The following TNFRSF19 variants were observed in gnomAD, a reference collection of about 807,000 sequenced individuals.
The protein encoded by TNFRSF19 is TNF receptor superfamily member 19.
In TNFRSF19, 27 loss-of-function variants were observed where a neutral mutation model predicts 46.4. The observed-to-expected ratio is 0.58, with a 90% CI of 0.43 to 0.80. TNFRSF19 has a LOEUF of 0.80. Ranked by LOEUF, TNFRSF19 falls within the 30% of genes least tolerant of loss-of-function variation. The pLI, the probability that TNFRSF19 is intolerant of heterozygous loss-of-function variation, is 0.00. For missense variants in TNFRSF19, 511 were observed against 530.8 expected (o/e 0.96, Z 0.37); for synonymous variants, 204 against 205.0 (o/e 1.00, Z 0.04).
chr13:23,656,446 A>T (rs1883988153), intron 5 of TNFRSF19, among the ~76,000 whole-genome samples: 1 of 152,200 alleles, frequency 6.6e-6, no homozygotes, highest in African/African-American at 2.4e-5. Flanking sequence ...TTATAGAAGG[A>T]TTTTAAACAA....
chr13:23,671,913 C>T lies in TNFRSF19; in HGVS notation c.1246-1459C>T, dbSNP rs568074060. Among the ~76,000 whole-genome samples the T allele has an allele frequency of 3.3e-5, 5 of 152,240 alleles. No individual in the cohort carries two copies. The South Asian group carries it at 1.0e-3, about 32-fold the overall frequency. ...AGCAGCTCACTATTATGAACCAAAGCACAGGGCTTCTTGTTAATTTTATCC... is the reference window on the plus strand; with the variant it reads ...AGCAGCTCACTATTATGAACCAAAGTACAGGGCTTCTTGTTAATTTTATCC... On this transcript the variant is annotated intron_variant, in intron 9 of 9. Transcript: ENST00000248484.
At chr13:23,655,705 G>A (rs1025697617) in intron 5 of TNFRSF19, among the ~76,000 whole-genome samples, 1 of 151,650 alleles carries the variant, frequency 6.6e-6, no homozygotes, top group African/African-American at 2.4e-5. Context: ...ACTTTATAGA[G>A]TGGAAGCCAC....
intron 5 of TNFRSF19, among the ~76,000 whole-genome samples, chr13:23,638,965 G>T (rs1047136969): frequency 3.9e-5 from 6 of 152,078 alleles, no homozygotes; most frequent in African/African-American, 1.4e-4. Flanking sequence ...TCTTTATCTT[G>T]TCCATCAGTA....
chr13:23,610,878 T>C (rs1176589303), intron 3 of TNFRSF19, among the ~76,000 whole-genome samples: 1 of 152,102 alleles, frequency 6.6e-6, no homozygotes, highest in Non-Finnish European at 1.5e-5. Context: ...TGATAAAAAA[T>C]GTCTTCTCAA....
rs9580692 is a variant in TNFRSF19, at chr13:23,572,876, C to T, written c.-35+2028C>T. ...ATGTGACATTTTTCAAAGCACTTTCCTATCTGTTGCTTCAATGGCAGCTTT... is the reference window on the plus strand; with the variant it reads ...ATGTGACATTTTTCAAAGCACTTTCTTATCTGTTGCTTCAATGGCAGCTTT... On this transcript the variant is annotated intron_variant, in intron 1 of 9. Transcript: ENST00000248484. Among the ~76,000 whole-genome samples the T allele has an allele frequency of 1.7e-3, 266 of 152,280 alleles. 2 individuals are homozygous for T. Among genetic ancestry groups the T allele is most frequent in the African/African-American group, 6.0e-3 (251 of 41,562 alleles).
At chr13:23,595,637 G>A (rs1313878435) in intron 3 of TNFRSF19, among the ~76,000 whole-genome samples, 1 of 152,122 alleles carries the variant, frequency 6.6e-6, no homozygotes, top group Admixed American at 6.5e-5. Context: ...CATTTTATTG[G>A]TGTCCCTGAA....
At chr13:23,626,210 T>TGTGTGTGTGTGTGG (rs1555274576) in intron 4 of TNFRSF19, among the ~76,000 whole-genome samples, 60 of 151,858 alleles carry the variant, frequency 4.0e-4, no homozygotes, top group African/African-American at 1.4e-3. Flanking sequence ...TGTGTGTGTG[T>TGTGTGTGTGTGTGG]GTGTGTGTGT....
intron 9 of TNFRSF19, among the ~76,000 whole-genome samples, chr13:23,670,372 CAA>C (rs1279075968): frequency 1.3e-5 from 2 of 151,958 alleles, no homozygotes; most frequent in African/African-American, 2.4e-5. Flanking sequence ...ATTCTATAGA[CAA>C]AACATTTTTT....
chr13:23,609,699 C>T (rs535517165), intron 3 of TNFRSF19, among the ~76,000 whole-genome samples: 3 of 152,286 alleles, frequency 2.0e-5, no homozygotes, highest in South Asian at 2.1e-4. Flanking sequence ...TTCCTCCGCA[C>T]GGGGCATACC....
chr13:23,613,289 C>G (rs1328991678), intron 3 of TNFRSF19, among the ~76,000 whole-genome samples: 1 of 152,238 alleles, frequency 6.6e-6, no homozygotes, highest in Non-Finnish European at 1.5e-5. Flanking sequence ...TTATTCCTCA[C>G]ACAACCTTTA....
intron 9 of TNFRSF19, among the ~76,000 whole-genome samples, chr13:23,670,357 A>G (rs962803878): frequency 6.6e-6 from 1 of 152,152 alleles, no homozygotes; most frequent in Non-Finnish European, 1.5e-5. Context: ...GAGAACTTTT[A>G]GGGGATTCTA....
intron 2 of TNFRSF19, among the ~76,000 whole-genome samples, chr13:23,592,705 TC>T: frequency 6.6e-6 from 1 of 152,182 alleles, no homozygotes; most frequent in Non-Finnish European, 1.5e-5. Flanking sequence ...TTTACTGGTG[TC>T]CTGATTGTTA....
intron 3 of TNFRSF19, among the ~76,000 whole-genome samples, chr13:23,595,145 A>T (rs1452848581): frequency 6.6e-6 from 1 of 152,240 alleles, no homozygotes; most frequent in Non-Finnish European, 1.5e-5. Context: ...ATCCACAAAG[A>T]TGAGGAAAAA....
intron 5 of TNFRSF19, among the ~76,000 whole-genome samples, chr13:23,627,619 T>C (rs1882092327): frequency 2.6e-5 from 4 of 152,144 alleles, no homozygotes. Context: ...ACTTCACGGC[T>C]CAGGGGAGAG....
At chr13:23,614,624 C>G (rs558627117) in intron 3 of TNFRSF19, among the ~76,000 whole-genome samples, 25 of 152,162 alleles carry the variant, frequency 1.6e-4, no homozygotes, top group African/African-American at 5.8e-4. Context: ...GCCCTTCTTG[C>G]TCTTAAGCCA....
chr13:23,612,518 T>A (rs1481460965), intron 3 of TNFRSF19, among the ~76,000 whole-genome samples: 1 of 152,198 alleles, frequency 6.6e-6, no homozygotes, highest in Non-Finnish European at 1.5e-5. Flanking sequence ...GGAATCACCT[T>A]CTTTGAATTT....
At position 23,575,347 on chromosome 13, in the gene TNFRSF19, G is replaced by A. The variant is rs148939850; in HGVS notation, c.-35+4499G>A. On this transcript the variant is annotated intron_variant, in intron 1 of 9. Coordinates refer to ENST00000248484, the MANE Select transcript of TNFRSF19 (RefSeq NM_148957.4). Reference sequence around the variant, plus strand: ...AGGGGGCTATAAAAATAGCCTCCTTGGGTTTTTCATATATATTGGTTTACG... The same window carrying A: ...AGGGGGCTATAAAAATAGCCTCCTTAGGTTTTTCATATATATTGGTTTACG... Among the ~76,000 whole-genome samples the A allele has an allele frequency of 1.9e-3, 295 of 152,272 alleles. 2 individuals carry two copies. Among genetic ancestry groups the A allele is most frequent in the African/African-American group, 6.6e-3 (273 of 41,538 alleles).
intron 5 of TNFRSF19, among the ~76,000 whole-genome samples, chr13:23,638,558 G>A: frequency 6.6e-6 from 1 of 152,222 alleles, no homozygotes; most frequent in African/African-American, 2.4e-5. Context: ...CTGGTGGGCA[G>A]CAGGTCTCTA....
intron 3 of TNFRSF19, among the ~76,000 whole-genome samples, chr13:23,594,838 G>A (rs766111291): frequency 3.9e-5 from 6 of 152,222 alleles, no homozygotes; most frequent in Non-Finnish European, 5.9e-5. Context: ...CCCAGCAGGG[G>A]TCGCCAGACA....
Sources: allele counts gnomAD v4.1 joint callset (sites outside exome capture counted in the v4.1 genomes callset), GRCh38; gene constraint gnomAD v4.1.1; transcripts MANE v1.5; gene names NCBI Gene and HGNC (gene_info 2026-07-23, HGNC 2026-07-21).